Variants in SDK1 observed in about 807,000 individuals in gnomAD.
The protein encoded by SDK1 is protein sidekick-1.
In SDK1, 157 loss-of-function variants were observed where a neutral mutation model predicts 245.5. The ratio of observed to expected loss-of-function variants is 0.64; its 90% CI spans 0.56 to 0.73. The LOEUF is 0.73. Among genes scored for constraint, SDK1 ranks in the 30% least tolerant of loss-of-function variants. The pLI is 0.00. For missense variants in SDK1, 3,583 were observed against 3,002.3 expected (o/e 1.19, Z -4.52); for synonymous variants, 1,647 against 1,278.5 (o/e 1.29, Z -6.15).
At chr7:3,572,365 G>A (rs1185090115) in intron 1 of SDK1, among the ~76,000 whole-genome samples, 3 of 151,998 alleles carry the variant, frequency 2.0e-5, no homozygotes, top group Non-Finnish European at 2.9e-5. Flanking sequence ...TTGGGATCAG[G>A]ATCATCCAGC....
chr7:4,126,411 A>C (rs1307516236), intron 25 of SDK1, among the ~76,000 whole-genome samples: 1 of 152,282 alleles, frequency 6.6e-6, no homozygotes, highest in Non-Finnish European at 1.5e-5. Context: ...GAGAGATTTC[A>C]TGAAAGTAAG....
At chr7:3,511,553 A>T (rs562397762) in intron 1 of SDK1, among the ~76,000 whole-genome samples, 1 of 152,158 alleles carries the variant, frequency 6.6e-6, no homozygotes, top group African/African-American at 2.4e-5. Flanking sequence ...TGGCTTGTCA[A>T]AATGTTTGTT....
chr7:4,199,324 G>T (rs1164726482), intron 35 of SDK1, among the ~76,000 whole-genome samples: 1 of 152,198 alleles, frequency 6.6e-6, no homozygotes, highest in African/African-American at 2.4e-5. Flanking sequence ...CAGTCCGCAA[G>T]CCGCAGAGCC....
chr7:3,741,301 C>A (rs975185528), intron 4 of SDK1, among the ~76,000 whole-genome samples: 1 of 152,180 alleles, frequency 6.6e-6, no homozygotes, highest in Non-Finnish European at 1.5e-5. Flanking sequence ...GCCCACCTCC[C>A]TCACTGGCAC....
intron 1 of SDK1, among the ~76,000 whole-genome samples, chr7:3,320,937 A>C (rs1235877905): frequency 2.0e-5 from 3 of 152,184 alleles, no homozygotes; most frequent in African/African-American, 7.2e-5. Flanking sequence ...TCTTAATTTA[A>C]ACCTTGTGCT....
intron 34 of SDK1, among the ~76,000 whole-genome samples, 176 bp downstream of exon 34, chr7:4,176,010 T>A (rs1039485094): frequency 1.3e-5 from 2 of 152,188 alleles, no homozygotes; most frequent in Admixed American, 6.5e-5. Flanking sequence ...GAAAAGAAGC[T>A]TCTAGAAACA....
intron 1 of SDK1, among the ~76,000 whole-genome samples, chr7:3,582,157 C>G (rs1222699892): frequency 6.7e-6 from 1 of 149,822 alleles, no homozygotes; most frequent in Admixed American, 6.6e-5. Flanking sequence ...AGGCCTGTCT[C>G]AGGTAGGTCT....
chr7:4,251,437 C>CAG (rs1787289377), intron 44 of SDK1, among the ~76,000 whole-genome samples: 1 of 152,222 alleles, frequency 6.6e-6, no homozygotes, highest in African/African-American at 2.4e-5. Context: ...AGTCCTCCAC[C>CAG]AGAGAGCTGT....
chr7:3,420,337 C>G (rs1003378198), intron 1 of SDK1, among the ~76,000 whole-genome samples: 1 of 152,182 alleles, frequency 6.6e-6, no homozygotes, highest in African/African-American at 2.4e-5. Context: ...TGATGGATTG[C>G]CAGCAGCAGG....
Position 4,067,884 on chromosome 7 carries a change from A to G in SDK1, c.2958A>G (p.Thr986=), listed in dbSNP as rs1328216768. The G allele has an allele frequency of 1.9e-6, 3 of 1,613,602 alleles. No individual in the cohort carries two copies. The Admixed American group carries it at 5.0e-5, about 27-fold the overall frequency. The part of the protein sequence containing the change: ...GHLSFTEILD[T]SLKVSWQEPL... ...TGAGTTTCACAGAGATCTTGGACAC[A>G]TCTCTCAAGGTCAGCTGGCAGGAGC... is the stretch of plus-strand genomic sequence containing the variant. The change falls in exon 20 of 45, where the codon ACA becomes ACG. Residue 986 remains threonine, a synonymous_variant. Coordinates refer to ENST00000404826, the MANE Select transcript of SDK1 (RefSeq NM_152744.4).
At chr7:3,338,959 A>G (rs895513964) in intron 1 of SDK1, among the ~76,000 whole-genome samples, 3 of 152,252 alleles carry the variant, frequency 2.0e-5, no homozygotes, top group African/African-American at 7.2e-5. Flanking sequence ...TAGGCTTGTC[A>G]TACTAATAAT....
chr7:3,962,170 AACAG>A (rs2128129718), intron 8 of SDK1, among the ~76,000 whole-genome samples: 1 of 152,368 alleles, frequency 6.6e-6, no homozygotes, highest in East Asian at 1.9e-4. Context: ...CATGTGAGGA[AACAG>A]ACAAAGAAAG....
In SDK1 at chr7:4,006,966, G is replaced by C. The variant is rs568585257; in HGVS notation, c.2132-4000G>C. ...GCTTGCTCTGCCTCTCCCGCAGTCT[G>C]ATTAATCGCCTCAGTCACCTGGTTT... On this transcript the variant is annotated intron_variant, in intron 14 of 44. Transcript: ENST00000404826. Among the ~76,000 whole-genome samples the C allele has an allele frequency of 1.2e-4, 19 of 152,364 alleles. 2 individuals are homozygous for C. The South Asian group carries it at 3.9e-3, about 32-fold the overall frequency.
intron 4 of SDK1, among the ~76,000 whole-genome samples, chr7:3,778,105 G>A (rs1032123289): frequency 6.6e-6 from 1 of 152,160 alleles, no homozygotes; most frequent in African/African-American, 2.4e-5. Flanking sequence ...ATCAAGTAGA[G>A]CAATGCATTT....
intron 1 of SDK1, among the ~76,000 whole-genome samples, chr7:3,417,441 A>G (rs991655552): frequency 6.6e-6 from 1 of 151,918 alleles, no homozygotes; most frequent in East Asian, 1.9e-4. Flanking sequence ...TTTCTCTGCT[A>G]ACTTTCTCTT....
chr7:3,311,348 C>T (rs1043092007), intron 1 of SDK1, among the ~76,000 whole-genome samples: 1 of 152,106 alleles, frequency 6.6e-6, no homozygotes, highest in Non-Finnish European at 1.5e-5. Flanking sequence ...TTGTTGATTA[C>T]ATGGGTAATG....
chr7:3,765,162 A>T (rs936215150), intron 4 of SDK1, among the ~76,000 whole-genome samples: 23 of 152,260 alleles, frequency 1.5e-4, no homozygotes. Context: ...AATATAAGTG[A>T]ATTATATAGT....
chr7:3,929,381 C>G (rs1331445370), intron 5 of SDK1, among the ~76,000 whole-genome samples: 1 of 152,176 alleles, frequency 6.6e-6, no homozygotes, highest in Non-Finnish European at 1.5e-5. Flanking sequence ...GCCCATTTGG[C>G]GGGGTTGCTT....
chr7:4,082,603 C>G (rs1781128279), intron 22 of SDK1, among the ~76,000 whole-genome samples: 2 of 151,380 alleles, frequency 1.3e-5, no homozygotes, highest in Admixed American at 1.3e-4. Context: ...CTCATGATAC[C>G]ATTGTCACAC....
Sources: gnomAD v4.1 joint callset for allele counts (sites outside exome capture counted in the v4.1 genomes callset) on GRCh38, gnomAD v4.1.1 for gene constraint, MANE v1.5 for transcripts, NCBI Gene and HGNC (gene_info 2026-07-23, HGNC 2026-07-21) for gene names.